The following RHOBTB2 variants were observed in gnomAD, a reference collection of about 807,000 sequenced individuals.
The protein encoded by RHOBTB2 is rho-related BTB domain-containing protein 2.
RHOBTB2 carries 39 observed loss-of-function variants against 66.5 expected under a neutral mutation model. That is an observed-to-expected ratio of 0.59 (90% CI 0.45 to 0.77). RHOBTB2 has a LOEUF of 0.77. RHOBTB2 is among the 30% of genes least tolerant of loss of function. RHOBTB2 has a pLI of 0.00. For missense variants in RHOBTB2, 755 were observed against 999.1 expected (o/e 0.76, Z 3.29); for synonymous variants, 390 against 395.0 (o/e 0.99, Z 0.15).
At chr8:22,978,706 T>C in the RHOBTB2 span, among the ~76,000 whole-genome samples, 1 of 152,150 alleles carries the variant, frequency 6.6e-6, no homozygotes, top group Non-Finnish European at 1.5e-5. Context: ...TCCTTTCTAA[T>C]AAATTATAAC....
At chr8:23,011,235 CA>C (rs531849651) in intron 7 of RHOBTB2, among the ~76,000 whole-genome samples, 152 of 152,306 alleles carry the variant, frequency 1.0e-3, no homozygotes, top group South Asian at 2.3e-3. Context: ...GCCTGGGTGA[CA>C]GAGTGAAACT....
chr8:22,965,260 C>A, the RHOBTB2 span, among the ~76,000 whole-genome samples: 1 of 152,064 alleles, frequency 6.6e-6, no homozygotes, highest in African/African-American at 2.4e-5. Context: ...AATTGTAATA[C>A]AATTAAGCTA....
rs1404961368 is a variant in RHOBTB2, at chr8:23,007,106, C to T, written c.861C>T (p.Thr287=). The change falls in exon 5 of 10, where the codon ACC becomes ACT. Residue 287 remains threonine, a synonymous_variant. Transcript: ENST00000251822. ...RIFAHKIYLS[T]SSSKFYDLFL... is the part of the protein sequence containing the mutation. ...TTGCCCACAAGATCTACCTCTCCACCTCTTCCTCCAAGTTCTATGACCTGT... is the reference window on the plus strand; with the variant it reads ...TTGCCCACAAGATCTACCTCTCCACTTCTTCCTCCAAGTTCTATGACCTGT... 1 of 1,610,914 alleles carries T rather than the reference C, an allele frequency of 6.2e-7. No individual in the cohort carries two copies. The highest frequency in any genetic ancestry group is 8.5e-7 in the Non-Finnish European group (1 of 1,179,768).
At chr8:22,969,927 T>C in the RHOBTB2 span, among the ~76,000 whole-genome samples, 2 of 152,056 alleles carry the variant, frequency 1.3e-5, no homozygotes, top group African/African-American at 2.4e-5. Flanking sequence ...AGTTTTTCTA[T>C]TTTTTGTAGA....
upstream of RHOBTB2, chr8:22,994,660 G>A: frequency 6.5e-7 from 1 of 1,541,934 alleles, no homozygotes; most frequent in Non-Finnish European, 8.8e-7. Flanking sequence ...ACTGTGTACT[G>A]TGCTCTCCCT....
the RHOBTB2 span, among the ~76,000 whole-genome samples, chr8:22,957,665 G>A: frequency 6.6e-6 from 1 of 152,200 alleles, no homozygotes; most frequent in Non-Finnish European, 1.5e-5. Context: ...CAGGGCACAG[G>A]GGGAAGGTTT....
At chr8:23,015,919 A>C (rs750175511) in intron 9 of RHOBTB2, among the ~76,000 whole-genome samples, 176 bp downstream of exon 9, 31 of 152,228 alleles carry the variant, frequency 2.0e-4, no homozygotes, top group Non-Finnish European at 4.1e-4. Context: ...GCTGGCCTGG[A>C]GGGCAACTCA....
intron 2 of RHOBTB2, among the ~76,000 whole-genome samples, chr8:22,993,838 C>G (rs1362760316): frequency 6.6e-6 from 1 of 152,200 alleles, no homozygotes; most frequent in Non-Finnish European, 1.5e-5. Context: ...CTTCCAATCT[C>G]TCCTGAAATT....
Position 22,999,554 on chromosome 8 carries a change from C to T in RHOBTB2, c.-562C>T, listed in dbSNP as rs989597761. On this transcript the variant is annotated 5_prime_UTR_variant, in exon 1 of 10. Coordinates refer to ENST00000251822, the MANE Select transcript of RHOBTB2 (RefSeq NM_015178.3). ...ACTGCGCGCGGCAGTGGGCGGGGCC[C>T]GTCACGGCTGTCGTCTTGGGTGCGA... 4.2e-6 allele frequency: 5 copies of T among 1,190,772 alleles called. No homozygotes were observed. In the African/African-American group the frequency reaches 6.8e-5, roughly 16 times the overall value. The allele number at this position is 1,190,772 out of a possible 1,614,324, so 73.8% of individuals were successfully genotyped here.
chr8:22,995,099 T>G (rs28521188), upstream of RHOBTB2, among the ~76,000 whole-genome samples: 1 of 151,820 alleles, frequency 6.6e-6, no homozygotes, highest in Non-Finnish European at 1.5e-5. Flanking sequence ...TTATCTTTTT[T>G]AAAAATTTTT....
chr8:23,015,825 G>A (rs549664352), intron 9 of RHOBTB2, 82 bp downstream of exon 9: 6 of 967,704 alleles, frequency 6.2e-6, no homozygotes, highest in African/African-American at 3.2e-5. Flanking sequence ...CAGGGACCCC[G>A]AGGCTGCCAG....
the RHOBTB2 span, among the ~76,000 whole-genome samples, chr8:22,963,373 T>G: frequency 1.3e-5 from 2 of 152,330 alleles, no homozygotes; most frequent in South Asian, 4.1e-4. Context: ...CATATTTTTA[T>G]CTCTGAGCCT....
chr8:22,963,781 T>G, the RHOBTB2 span, among the ~76,000 whole-genome samples: 1 of 151,372 alleles, frequency 6.6e-6, no homozygotes, highest in Non-Finnish European at 1.5e-5. Flanking sequence ...TTATTTATAT[T>G]ATTATTATTA....
chr8:22,987,827 G>A (rs1418323982), intron 1 of RHOBTB2, among the ~76,000 whole-genome samples: 1 of 152,196 alleles, frequency 6.6e-6, no homozygotes, highest in African/African-American at 2.4e-5. Flanking sequence ...CAGATCTGGG[G>A]CAGGAGGTGG....
the RHOBTB2 span, among the ~76,000 whole-genome samples, chr8:22,979,985 A>G: frequency 2.0e-5 from 3 of 152,020 alleles, no homozygotes; most frequent in South Asian, 4.2e-4. Context: ...GTCTCGATCT[A>G]TTGACCTCGT....
chr8:23,017,395 T>C lies in RHOBTB2; in HGVS notation c.2110T>C (p.Trp704Arg). 1 of 1,614,056 alleles carries C rather than the reference T, an allele frequency of 6.2e-7. No individual in the cohort carries two copies. Among genetic ancestry groups the C allele is most frequent in the Non-Finnish European group, 8.5e-7 (1 of 1,179,964 alleles). ...KRQPKRRWLFWNSPSSPSSSA... is the reference protein window; with the variant it reads ...KRQPKRRWLFRNSPSSPSSSA... ...GCAGCCCAAACGGCGTTGGCTCTTC[T>C]GGAACAGTCCATCCTCCCCGTCTTC... Residue 704 changes from tryptophan (W) to arginine (R), a missense_variant, in exon 10 of 10, where the codon TGG (tryptophan) becomes CGG (arginine). Trp to Arg is a moderately radical substitution (Grantham distance 101). Around this residue, in one of 7 missense-constraint regions of RHOBTB2, gnomAD observed 353 missense variants for 458.2 expected, o/e 0.77. Coordinates refer to ENST00000251822, the MANE Select transcript of RHOBTB2 (RefSeq NM_015178.3). This position sits in a 1 kb window ranked among gnomAD's most constrained non-coding sequence, Gnocchi z 5.3.
chr8:23,001,502 G>C (rs1436907330), intron 1 of RHOBTB2, among the ~76,000 whole-genome samples: 3 of 152,206 alleles, frequency 2.0e-5, no homozygotes, highest in African/African-American at 4.8e-5. Context: ...ATTAGACTAA[G>C]AGTTCTAACA....
chr8:22,966,511 G>A, the RHOBTB2 span, among the ~76,000 whole-genome samples: 2 of 152,046 alleles, frequency 1.3e-5, no homozygotes, highest in African/African-American at 4.8e-5. Context: ...CAGGCCGGGT[G>A]TGGTGGCTCA....
chr8:22,955,711 A>G, the RHOBTB2 span, among the ~76,000 whole-genome samples: 1 of 151,840 alleles, frequency 6.6e-6, no homozygotes, highest in Non-Finnish European at 1.5e-5. Flanking sequence ...CTGGGACTAC[A>G]GGTGTGCACC....
Sources: allele counts gnomAD v4.1 joint callset (sites outside exome capture counted in the v4.1 genomes callset), GRCh38; gene constraint gnomAD v4.1.1; regional missense constraint gnomAD v4.1.1; non-coding constraint Gnocchi (gnomAD v3.1); transcripts MANE v1.5; gene names NCBI Gene and HGNC (gene_info 2026-07-23, HGNC 2026-07-21).